IL22RA1: variants seen among roughly 807,000 people sequenced by gnomAD.
The protein encoded by IL22RA1 is interleukin-22 receptor subunit alpha-1.
A neutral mutation model predicts 32.8 loss-of-function variants in IL22RA1; 25 were observed. The ratio of observed to expected loss-of-function variants is 0.76; its 90% confidence interval spans 0.55 to 1.06. The LOEUF is 1.06. Among genes scored for constraint, IL22RA1 ranks in the 50% least tolerant of loss-of-function variants. The pLI is 0.00. For missense variants in IL22RA1, 709 were observed against 727.4 expected (o/e 0.97, Z 0.29); for synonymous variants, 305 against 305.0 (o/e 1.00, Z 0.00).
intron 4 of IL22RA1, among the ~76,000 whole-genome samples, chr1:24,132,338 T>TG (rs1340427959): frequency 6.6e-6 from 1 of 150,790 alleles, no homozygotes; most frequent in East Asian, 1.9e-4. Context: ...TGTGTGTTTT[T>TG]TTTTTTTTTT....
chr1:24,140,317 G>A (rs2148576537), intron 1 of IL22RA1, among the ~76,000 whole-genome samples: 1 of 152,306 alleles, frequency 6.6e-6, no homozygotes, highest in East Asian at 1.9e-4. Context: ...CTGTGAATGT[G>A]TTTAGTGTCT....
Position 24,120,560 on chromosome 1 carries a change from C to A in IL22RA1, c.*245G>T. 2.1e-6 allele frequency: 1 copy of A among 472,594 alleles called. No homozygotes were observed. The highest frequency in any genetic ancestry group is 4.6e-5 in the South Asian group (1 of 21,954). 29.3% of individuals were successfully genotyped at this position (472,594 alleles called of 1,614,324 possible). On this transcript the variant is annotated 3_prime_UTR_variant, in exon 7 of 7. Coordinates refer to ENST00000270800, the MANE Select transcript of IL22RA1 (RefSeq NM_021258.4). Reference sequence around the variant, plus strand: ...TTTCTGCCTTGCAGGGCTCAGCGAGCACGCGCTTGTCTACACAAGCTGCTC... The same window carrying A: ...TTTCTGCCTTGCAGGGCTCAGCGAGAACGCGCTTGTCTACACAAGCTGCTC...
intron 5 of IL22RA1, among the ~76,000 whole-genome samples, chr1:24,126,085 G>A (rs550297631): frequency 6.6e-6 from 1 of 152,334 alleles, no homozygotes; most frequent in African/African-American, 2.4e-5. Context: ...TGGGCCAGGA[G>A]CAGCTGAGAT....
intron 5 of IL22RA1, among the ~76,000 whole-genome samples, chr1:24,124,247 G>A (rs1266840640): frequency 6.6e-6 from 1 of 152,114 alleles, no homozygotes; most frequent in Non-Finnish European, 1.5e-5. Context: ...CAGAGGGAGG[G>A]GAGAAGTGAA....
chr1:24,137,526 T>TC (rs1394519373), intron 2 of IL22RA1, among the ~76,000 whole-genome samples: 6 of 151,180 alleles, frequency 4.0e-5, no homozygotes, highest in Non-Finnish European at 8.9e-5. Context: ...CTTTTTTTTT[T>TC]TTTTTCTTGA....
intron 1 of IL22RA1, among the ~76,000 whole-genome samples, chr1:24,142,254 A>C (rs545307398): frequency 3.3e-5 from 5 of 152,228 alleles, no homozygotes; most frequent in Non-Finnish European, 5.9e-5. Flanking sequence ...CTCGTCCTGC[A>C]CTTGAGCAAG....
rs138731413 is a variant in IL22RA1, at chr1:24,121,038, G to C, written c.1492C>G (p.Leu498Val). ...TPQYLKGQLP[L>V]LSSVQIEGHP... Reference sequence around the variant, plus strand: ...CCCTCGATCTGGACTGAGGAGAGGAGGGGGAGCTGGCCCTTTAGGTACTGT... The same window carrying C: ...CCCTCGATCTGGACTGAGGAGAGGACGGGGAGCTGGCCCTTTAGGTACTGT... The change falls in exon 7 of 7, where the codon CTC becomes GTC. Residue 498 changes from leucine (L) to valine (V), a missense_variant. Physicochemically the swap from Leu to Val is conservative, Grantham distance 32 (BLOSUM62 1). Coordinates refer to ENST00000270800, the MANE Select transcript of IL22RA1 (RefSeq NM_021258.4). The C allele has an allele frequency of 6.2e-7, 1 of 1,614,070 alleles. No individual in the cohort carries two copies. The highest frequency in any genetic ancestry group is 1.3e-5 in the African/African-American group (1 of 74,940).
At position 24,121,673 on chromosome 1, in the gene IL22RA1, A is replaced by T. The variant is rs1644123674; in HGVS notation, c.857T>A (p.Val286Asp). ...ACTGCTGGGGCCGCTGAGGTCAAAG[A>T]CAGGGATCAGGACGTGCTCCTGGAT... Reference protein sequence around the residue: ...RFIQEHVLIPVFDLSGPSSLA... With the variant: ...RFIQEHVLIPDFDLSGPSSLA... Residue 286 changes from valine to aspartate, a missense_variant, in exon 7 of 7, where the codon GTC becomes GAC. Physicochemically the swap from Val to Asp is radical, Grantham distance 152 (BLOSUM62 -3). Transcript: ENST00000270800. 2 of 1,604,986 alleles carry T rather than the reference A, an allele frequency of 1.2e-6. No homozygotes were observed.
At chr1:24,140,825 A>G (rs553021110) in intron 1 of IL22RA1, among the ~76,000 whole-genome samples, 1 of 152,364 alleles carries the variant, frequency 6.6e-6, no homozygotes, top group Admixed American at 6.5e-5. Context: ...AATGTTAAGC[A>G]ACCCCAGCTG....
chr1:24,140,975 A>G (rs970026915), intron 1 of IL22RA1, among the ~76,000 whole-genome samples: 8 of 152,230 alleles, frequency 5.3e-5, no homozygotes, highest in Non-Finnish European at 7.3e-5. Context: ...TCTACACACA[A>G]GAGGGGTCCT....
At position 24,143,037 on chromosome 1, in the gene IL22RA1, C is replaced by T. The variant is rs1436594008; in HGVS notation, c.43+3G>A. The T allele has an allele frequency of 1.3e-5, 21 of 1,613,036 alleles. No homozygotes were observed. In the East Asian group the frequency reaches 4.5e-4, roughly 34 times the overall value. On this transcript the variant is annotated splice_donor_region_variant and intron_variant, in intron 1 of 6. Coordinates refer to ENST00000270800, the MANE Select transcript of IL22RA1 (RefSeq NM_021258.4). ...TCTGACCACAGGGTAGATGGGCACT[C>T]ACCAGCCAGGGATCCCACAGTCAAG...
chr1:24,133,389 A>G (rs1644219878), intron 4 of IL22RA1, among the ~76,000 whole-genome samples: 2 of 151,814 alleles, frequency 1.3e-5, no homozygotes, highest in African/African-American at 4.8e-5. Context: ...CTTCCTTTTC[A>G]CCCCCTAGAT....
At chr1:24,138,246 T>C (rs553488231) in intron 2 of IL22RA1, among the ~76,000 whole-genome samples, 1 of 152,336 alleles carries the variant, frequency 6.6e-6, no homozygotes, top group East Asian at 1.9e-4. Flanking sequence ...TGACTTTATC[T>C]TGTTTAACCC....
rs542830802 is a variant in IL22RA1 at position 24,141,967 on chromosome 1, C to T, written c.43+1073G>A. 5.9e-5 allele frequency among the ~76,000 whole-genome samples: 9 copies of T among 151,988 alleles called. No individual in the cohort carries two copies. The South Asian group carries it at 1.5e-3, about 25-fold the overall frequency. ...GGGTGAGGGCCCGGTGTGTGCAGCG[C>T]GAGGCAGCTGACCCTTGACAATCTC... On this transcript the variant is annotated intron_variant, in intron 1 of 6. Transcript: ENST00000270800.
intron 3 of IL22RA1, chr1:24,135,055 G>A (rs916517973): frequency 2.6e-5 from 4 of 152,618 alleles, no homozygotes; most frequent in African/African-American, 9.6e-5. Context: ...CAAGATTGAA[G>A]ATATCTGAGT....
At chr1:24,130,106 C>A (rs74060507) in intron 4 of IL22RA1, among the ~76,000 whole-genome samples, 1,931 of 152,206 alleles carry the variant, frequency 0.013, 56 homozygotes, top group African/African-American at 0.044. Context: ...AAAATGAAAA[C>A]CAACTACTTA....
At chr1:24,140,358 G>T (rs894819039) in intron 1 of IL22RA1, among the ~76,000 whole-genome samples, 8 of 152,236 alleles carry the variant, frequency 5.3e-5, no homozygotes, top group African/African-American at 1.9e-4. Context: ...TGTTGAGTCT[G>T]AAGGGAGGAG....
At chr1:24,138,036 C>T (rs1317608668) in intron 2 of IL22RA1, among the ~76,000 whole-genome samples, 1 of 152,058 alleles carries the variant, frequency 6.6e-6, no homozygotes, top group Non-Finnish European at 1.5e-5. Context: ...TGCTACAGGA[C>T]AACGTGGCAT....
In IL22RA1 at chr1:24,123,734, T is replaced by C. The variant is rs980075472; in HGVS notation, c.671-311A>G. ...AGAGTTCTTGGACTTCTCTAGGTAC[T>C]GTGCTGAAGTGGGGAGGTACAGGGA... is the stretch of plus-strand genomic sequence containing the variant. On this transcript the variant is annotated intron_variant, in intron 5 of 6. Coordinates refer to ENST00000270800, the MANE Select transcript of IL22RA1 (RefSeq NM_021258.4). Among the ~76,000 whole-genome samples, 3 of 152,238 alleles carry C rather than the reference T, an allele frequency of 2.0e-5. No homozygotes were observed. In the South Asian group the frequency reaches 6.2e-4, roughly 31 times the overall value.
Sources: gnomAD v4.1 joint callset for allele counts (sites outside exome capture counted in the v4.1 genomes callset) on GRCh38, gnomAD v4.1.1 for gene constraint, MANE v1.5 for transcripts, NCBI Gene and HGNC (gene_info 2026-07-23, HGNC 2026-07-21) for gene names.